Variants in WNT4 observed in about 807,000 individuals in gnomAD.
WNT4 encodes protein Wnt-4.
WNT4 carries 16 observed loss-of-function variants against 34.5 expected under a neutral mutation model. That is an observed-to-expected ratio of 0.46 (90% CI 0.31 to 0.70). The LOEUF (loss-of-function observed/expected upper bound fraction) is 0.70. WNT4 is among the 30% of genes least tolerant of loss of function. The pLI is 0.04. For missense variants in WNT4, 379 were observed against 495.9 expected, an observed-to-expected ratio of 0.76 and a Z score of 2.24; for synonymous variants, 200 against 211.9, an observed-to-expected ratio of 0.94 and a Z score of 0.49.
chr1:22,120,648 CCT>C, intron 4 of WNT4, 131 bp from the exon 5 acceptor site: 1 of 931,450 alleles, frequency 1.1e-6, no homozygotes, highest in South Asian at 1.6e-5. Context: ...CGTTGTGCCT[CCT>C]CTTAGGAATT....
In WNT4 at chr1:22,142,750, G is replaced by A. The variant is rs991949252; in HGVS notation, c.77+96C>T. 9.9e-5 allele frequency: 85 copies of A among 859,144 alleles called. No individual in the cohort carries two copies. The African/African-American group carries it at 1.5e-3, about 15-fold the overall frequency. The allele number at this position is 859,144 out of a possible 1,614,324, so 53.2% of individuals were successfully genotyped here. The stretch of plus-strand genomic sequence containing the variant: ...CCGCGGCCGAGACACCTGCCGGGCT[G>A]CCCCGCGCCCGCTGCCCCGCGCCGC... On this transcript the variant is annotated intron_variant, in intron 1 of 4. Coordinates refer to ENST00000290167, the MANE Select transcript of WNT4 (RefSeq NM_030761.5). The surrounding 1 kb of genome is among the most constrained non-coding windows in gnomAD (Gnocchi z 6.0).
At chr1:22,128,599 C>A (rs78804914) in intron 2 of WNT4, among the ~76,000 whole-genome samples, 1,884 of 152,376 alleles carry the variant, frequency 0.012, 16 homozygotes, top group Non-Finnish European at 0.019. Context: ...GGTGTCCACC[C>A]TGTGCTTCCA....
rs141228896 is a variant in WNT4 at position 22,137,938 on chromosome 1, A to C, written c.77+4908T>G. ...TGCAGGCCTTTGAAGATGGGCTACC[A>C]TTGGACAACAGCTGAGAACCCTCTA... On this transcript the variant is annotated intron_variant, in intron 1 of 4. Transcript: ENST00000290167. This position sits in a 1 kb window ranked among gnomAD's most constrained non-coding sequence, Gnocchi z 5.3. 5.1e-3 allele frequency among the ~76,000 whole-genome samples: 782 copies of C among 152,314 alleles called. 6 individuals carry two copies. The highest frequency in any genetic ancestry group is 0.01 in the Admixed American group (153 of 15,300).
Position 22,120,055 on chromosome 1 carries a change from G to A in WNT4, c.1051C>T (p.Arg351Ter), listed in dbSNP as rs780694720. ...CQRLVELHTC[R>*] ...GCGCAGGGCTAGGCAGGCGGTCATC[G>A]GCACGTGTGCAACTCCACGAGCCGC... Residue 351 changes from arginine (R) to a stop codon, truncating the protein, a stop_gained, in exon 5 of 5, where the codon CGA (arginine) becomes TGA (stop). Transcript: ENST00000290167. LOFTEE classifies it high-confidence loss of function. The A allele has an allele frequency of 1.9e-6, 3 of 1,607,084 alleles. No homozygotes were observed. Among genetic ancestry groups the A allele is most frequent in the East Asian group, 2.2e-5 (1 of 44,870 alleles).
intron 1 of WNT4, among the ~76,000 whole-genome samples, chr1:22,138,404 C>G (rs1023622120): frequency 6.6e-6 from 1 of 151,916 alleles, no homozygotes; most frequent in Non-Finnish European, 1.5e-5. Flanking sequence ...ATGATTTTGC[C>G]CGCCCCCCAG....
intron 2 of WNT4, among the ~76,000 whole-genome samples, chr1:22,123,590 GTAGA>G (rs1645918711): frequency 6.6e-6 from 1 of 152,218 alleles, no homozygotes; most frequent in Non-Finnish European, 1.5e-5. Flanking sequence ...ACCCTATGAA[GTAGA>G]TACTTTTCAT....
rs1645873806 is a variant in WNT4 at position 22,119,205 on chromosome 1, T to TCC, written c.*844_*845insGG. On this transcript the variant is annotated 3_prime_UTR_variant, in exon 5 of 5. Coordinates refer to ENST00000290167, the MANE Select transcript of WNT4 (RefSeq NM_030761.5). ...GTGTGTCCGTGTGTGTGTGTGTGTG[T>TCC]GTGTGTGTGTGTGTGTGTGTGTGTT... 1 of 115,016 alleles carries TCC rather than the reference T, an allele frequency of 8.7e-6. No individual in the cohort carries two copies. Among genetic ancestry groups the TCC allele is most frequent in the African/African-American group, 3.6e-5 (1 of 27,950 alleles). The allele number at this position is 115,016 out of a possible 1,614,324, so 7.1% of individuals were successfully genotyped here. A position where few individuals can be genotyped will look rare whatever the true frequency, so the allele number is the denominator to read the frequency against.
chr1:22,132,082 C>T (rs1645988001), intron 1 of WNT4, among the ~76,000 whole-genome samples: 1 of 152,192 alleles, frequency 6.6e-6, no homozygotes, highest in Non-Finnish European at 1.5e-5. Flanking sequence ...CTGCAGGGGG[C>T]GCCAAGAGCC....
chr1:22,120,028 CGGCGCAG>C lies in WNT4; in HGVS notation c.*15_*21del, dbSNP rs748977609. On this transcript the variant is annotated 3_prime_UTR_variant, in exon 5 of 5. Coordinates refer to ENST00000290167, the MANE Select transcript of WNT4 (RefSeq NM_030761.5). The stretch of plus-strand genomic sequence containing the variant: ...CTTCCCTGGGCCACTAGGTGGTTGC[CGGCGCAG>C]GGCTAGGCAGGCGGTCATCGGCACG... 2 of 1,602,650 alleles carry C rather than the reference CGGCGCAG, an allele frequency of 1.2e-6. No individual in the cohort carries two copies. Among genetic ancestry groups the C allele is most frequent in the South Asian group, 2.2e-5 (2 of 90,752 alleles).
rs1440513935 is a variant in WNT4, at chr1:22,140,900, A to G, written c.77+1946T>C. On this transcript the variant is annotated intron_variant, in intron 1 of 4. Transcript: ENST00000290167. The surrounding 1 kb of genome is among the most constrained non-coding windows in gnomAD (Gnocchi z 5.9). ...GCTGCCCCTCCTCACCCCACCCCCA[A>G]CAGCACAGGCAGGAGAACTGAGTTG... 6.6e-6 allele frequency among the ~76,000 whole-genome samples: 1 copy of G among 152,216 alleles called. No homozygotes were observed. Among genetic ancestry groups the G allele is most frequent in the Non-Finnish European group, 1.5e-5 (1 of 68,036 alleles).
intron 2 of WNT4, among the ~76,000 whole-genome samples, chr1:22,126,729 G>A (rs1357780071): frequency 1.3e-5 from 2 of 152,220 alleles, no homozygotes; most frequent in African/African-American, 2.4e-5. Flanking sequence ...AGTGAGGCCC[G>A]CTTACACAGG....
chr1:22,122,115 TTATG>T (rs1645904284), intron 2 of WNT4, among the ~76,000 whole-genome samples: 1 of 152,200 alleles, frequency 6.6e-6, no homozygotes, highest in South Asian at 2.1e-4. Context: ...TTGCCCTTCC[TTATG>T]TATGATCTTG....
chr1:22,131,762 G>C (rs908093471), intron 1 of WNT4, among the ~76,000 whole-genome samples: 4 of 152,168 alleles, frequency 2.6e-5, no homozygotes, highest in African/African-American at 9.7e-5. Flanking sequence ...GCGGTCTCAG[G>C]CCGAAGAAGG....
chr1:22,126,839 G>A (rs969449657), intron 2 of WNT4, among the ~76,000 whole-genome samples: 1 of 152,222 alleles, frequency 6.6e-6, no homozygotes, highest in Non-Finnish European at 1.5e-5. Context: ...CATGAGGTGG[G>A]CCTATGTGTG....
intron 2 of WNT4, among the ~76,000 whole-genome samples, chr1:22,125,051 G>A (rs565821350): frequency 6.6e-6 from 1 of 152,286 alleles, no homozygotes; most frequent in East Asian, 1.9e-4. Context: ...GACAATATAG[G>A]ATCAGGGAAA....
intron 4 of WNT4, 23 bp from the exon 5 acceptor site, chr1:22,120,540 G>A (rs1412379097): frequency 6.3e-7 from 1 of 1,590,798 alleles, no homozygotes; most frequent in Non-Finnish European, 8.6e-7. Flanking sequence ...GTGGGGGAGA[G>A]GGGCCATCAG....
At chr1:22,121,774 C>T (rs1056146953) in intron 2 of WNT4, among the ~76,000 whole-genome samples, 198 bp from the exon 3 acceptor site, 1 of 152,204 alleles carries the variant, frequency 6.6e-6, no homozygotes, top group South Asian at 2.1e-4. Context: ...CTTTACCAGG[C>T]GTGGCTTAGG....
intron 2 of WNT4, among the ~76,000 whole-genome samples, chr1:22,121,971 C>G (rs369195326): frequency 6.6e-6 from 1 of 152,162 alleles, no homozygotes; most frequent in South Asian, 2.1e-4. Flanking sequence ...CCAGAAGGTT[C>G]GTGAAGGTTT....
At chr1:22,133,041 A>G (rs1276652236) in intron 1 of WNT4, among the ~76,000 whole-genome samples, 2 of 152,120 alleles carry the variant, frequency 1.3e-5, no homozygotes, top group Non-Finnish European at 2.9e-5. Context: ...AACTGAGGCT[A>G]CGGAGATAAA....
Sources: allele counts gnomAD v4.1 joint callset (sites outside exome capture counted in the v4.1 genomes callset), GRCh38; gene constraint gnomAD v4.1.1; non-coding constraint Gnocchi (gnomAD v3.1); transcripts MANE v1.5; gene names NCBI Gene and HGNC (gene_info 2026-07-23, HGNC 2026-07-21).